SHF: variants seen among roughly 807,000 people sequenced by gnomAD.
The protein encoded by SHF is Src homology 2 domain containing F.
SHF carries 30 observed loss-of-function variants against 42.4 expected under a neutral mutation model. The ratio of observed to expected loss-of-function variants is 0.71; its 90% CI spans 0.53 to 0.96. SHF has a LOEUF of 0.96. Among genes scored for constraint, SHF ranks in the 40% least tolerant of loss-of-function variants. SHF has a pLI of 0.00. For synonymous variants in SHF, 264 were observed against 269.9 expected, an observed-to-expected ratio of 0.98 and a Z score of 0.21; for missense variants, 598 against 634.0, an observed-to-expected ratio of 0.94 and a Z score of 0.61.
chr15:45,187,688 C>T lies in SHF; in HGVS notation c.264G>A (p.Ala88=). The T allele has an allele frequency of 8.3e-7, 1 of 1,208,428 alleles. No individual in the cohort carries two copies. The highest frequency in any genetic ancestry group is 1.0e-6 in the Non-Finnish European group (1 of 969,912). The allele number at this position is 1,208,428 out of a possible 1,614,324, so 74.9% of individuals were successfully genotyped here. A position where few individuals can be genotyped will look rare whatever the true frequency, so the allele number is the denominator to read the frequency against. The change falls in exon 1 of 7, where the codon GCG becomes GCA. Residue 88 remains alanine, a synonymous_variant. Transcript: ENST00000690270. ...PPAPSPAAPP[A]PPPDILAAYR... ...AGGCGGCCAGGATGTCCGGGGGCGG[C>T]GCGGGGGGCGCGGCCGGAGAGGGCG...
chr15:45,197,665 A>G (rs993770008), intron 2 of SHF, among the ~76,000 whole-genome samples: 2 of 152,086 alleles, frequency 1.3e-5, no homozygotes, highest in African/African-American at 2.4e-5. Context: ...CTGTTTCCCC[A>G]TCTCCCCAGC....
In SHF at chr15:45,175,544, G is replaced by C. The variant is rs1022802082; in HGVS notation, c.641-119C>G. ...CTTCAGAGGAGATGCCCTGGCTCTG[G>C]GGGGAGCTCAGCAACCACACATCCT... On this transcript the variant is annotated intron_variant, in intron 2 of 6. Transcript: ENST00000690270. 13 of 1,022,422 alleles carry C rather than the reference G, an allele frequency of 1.3e-5. No homozygotes were observed. The Admixed American group carries it at 1.9e-4, about 15-fold the overall frequency. The allele number at this position is 1,022,422 out of a possible 1,614,324, so 63.3% of individuals were successfully genotyped here.
chr15:45,197,452 A>G (rs936790501), intron 2 of SHF, among the ~76,000 whole-genome samples: 3 of 152,192 alleles, frequency 2.0e-5, no homozygotes, highest in African/African-American at 7.2e-5. Flanking sequence ...GCCTGATAAT[A>G]AGAGAAGGGG....
At chr15:45,175,725 C>T (rs1053153741) in intron 2 of SHF, among the ~76,000 whole-genome samples, 1 of 152,206 alleles carries the variant, frequency 6.6e-6, no homozygotes, top group Admixed American at 6.5e-5. Context: ...GAAACTGAGG[C>T]ACAACCCTCC....
exon 2 of SHF, chr15:45,198,857 C>T: frequency 5.6e-6 from 9 of 1,614,002 alleles, no homozygotes; most frequent in Non-Finnish European, 7.6e-6. Context: ...CTGTTTTGGC[C>T]CATTAGCCAC....
intron 6 of SHF, 197 bp downstream of exon 6, chr15:45,171,686 C>T (rs748978926): frequency 6.1e-5 from 38 of 620,660 alleles, no homozygotes; most frequent in Non-Finnish European, 9.5e-5. Context: ...CTGGATGCTG[C>T]GGATCAACTA....
intron 1 of SHF, chr15:45,181,069 C>T (rs960814105): frequency 6.6e-6 from 1 of 152,304 alleles, no homozygotes; most frequent in Non-Finnish European, 1.5e-5. Flanking sequence ...CCCCTTCGGC[C>T]TCTCCCTCAC....
At chr15:45,192,800 T>C (rs1898746908), upstream of SHF, among the ~76,000 whole-genome samples, 1 of 152,238 alleles carries the variant, frequency 6.6e-6, no homozygotes, top group African/African-American at 2.4e-5. Flanking sequence ...CTTTTTGAAA[T>C]GTCCAGGCCA....
At position 45,168,111 on chromosome 15, in the gene SHF, T is replaced by C; in HGVS notation, c.1303A>G (p.Met435Val). Residue 435 changes from methionine to valine, a missense_variant, in exon 7 of 7, where the codon ATG becomes GTG. Physicochemically the swap from Met to Val is conservative, Grantham distance 21 (BLOSUM62 1). Coordinates refer to ENST00000690270, the MANE Select transcript of SHF (RefSeq NM_001394037.1). Reference sequence around the variant, plus strand: ...TGTTCCTTGGTTCGGGACAGCTTCATGTGCATGAATCCCTGGCTGCTCCTG... The same window carrying C: ...TGTTCCTTGGTTCGGGACAGCTTCACGTGCATGAATCCCTGGCTGCTCCTG... Reference protein sequence around the residue: ...SLKSSQGFMHMKLSRTKEHKY... With the variant: ...SLKSSQGFMHVKLSRTKEHKY... 1 of 1,601,630 alleles carries C rather than the reference T, an allele frequency of 6.2e-7. No homozygotes were observed. Among genetic ancestry groups the C allele is most frequent in the Non-Finnish European group, 8.5e-7 (1 of 1,172,314 alleles).
At chr15:45,195,686 T>A (rs1229509136) in intron 2 of SHF, among the ~76,000 whole-genome samples, 2 of 152,180 alleles carry the variant, frequency 1.3e-5, no homozygotes, top group Non-Finnish European at 2.9e-5. Context: ...CCTCTTAACC[T>A]CCTAAAGTTG....
At chr15:45,171,451 G>A (rs1172924865) in intron 6 of SHF, 3 of 178,998 alleles carry the variant, frequency 1.7e-5, no homozygotes, top group Admixed American at 1.1e-4. Flanking sequence ...ACTCCCTCAC[G>A]CAAAGCTCCT....
upstream of SHF, among the ~76,000 whole-genome samples, chr15:45,192,814 G>T (rs1229352525): frequency 6.6e-6 from 1 of 152,136 alleles, no homozygotes; most frequent in East Asian, 1.9e-4. Context: ...CAGGCCAATT[G>T]TCATGTAGGA....
Position 45,178,167 on chromosome 15 carries a change from G to A in SHF, c.638C>T (p.Ala213Val). Reference sequence around the variant, plus strand: ...CCTCCCCTGCCCCTGTCACTCACCGGCCATCATCTTTTGAGCCTCATAGGG... The same window carrying A: ...CCTCCCCTGCCCCTGTCACTCACCGACCATCATCTTTTGAGCCTCATAGGG... Reference protein sequence around the residue: ...MEPYEAQKMMAEIRGSKETAT... With the variant: ...MEPYEAQKMMVEIRGSKETAT... The change falls in exon 2 of 7, where the codon GCC becomes GTC. Residue 213 changes from alanine to valine, a missense_variant and splice_region_variant. Ala to Val is a moderately conservative substitution (Grantham distance 64). This residue lies in a region of SHF where 439 missense variants were observed against 524.6 expected (regional missense o/e 0.84). Transcript: ENST00000690270. The A allele has an allele frequency of 6.2e-7, 1 of 1,612,108 alleles. No homozygotes were observed. The highest frequency in any genetic ancestry group is 8.5e-7 in the Non-Finnish European group (1 of 1,179,686).
intron 1 of SHF, among the ~76,000 whole-genome samples, chr15:45,182,934 G>A (rs1008267220): frequency 6.6e-6 from 1 of 152,166 alleles, no homozygotes; most frequent in African/African-American, 2.4e-5. Context: ...ACAATGCCAT[G>A]TTCATAAAAC....
intron 2 of SHF, among the ~76,000 whole-genome samples, chr15:45,176,867 C>T (rs1897838503): frequency 6.6e-6 from 1 of 152,224 alleles, no homozygotes; most frequent in Admixed American, 6.5e-5. Flanking sequence ...CAGCTTCTCA[C>T]TTTCTCCATT....
At chr15:45,170,608 C>G (rs1897425160) in intron 6 of SHF, 1 of 354,982 alleles carries the variant, frequency 2.8e-6, no homozygotes. Context: ...ACTCAGGTTA[C>G]CTGACTATAG....
At chr15:45,194,061 C>A (rs544259134) in intron 2 of SHF, among the ~76,000 whole-genome samples, 150 of 146,300 alleles carry the variant, frequency 1.0e-3, no homozygotes, top group African/African-American at 3.7e-3. Flanking sequence ...AAGATCGTGC[C>A]ACTGTACTCC....
chr15:45,201,109 G>A (rs1300395575), exon 1 of SHF: 2 of 335,236 alleles, frequency 6.0e-6, no homozygotes, highest in Non-Finnish European at 1.2e-5. Flanking sequence ...GACGAGAAGG[G>A]CAACACTGGG....
intron 2 of SHF, chr15:45,198,512 G>C (rs143689863): frequency 2.3e-6 from 1 of 431,542 alleles, no homozygotes; most frequent in Non-Finnish European, 4.1e-6. Context: ...AGAAACGTTG[G>C]TTCGTTTCAA....
Sources: allele counts gnomAD v4.1 joint callset (sites outside exome capture counted in the v4.1 genomes callset), GRCh38; gene constraint gnomAD v4.1.1; regional missense constraint gnomAD v4.1.1; transcripts MANE v1.5; gene names NCBI Gene and HGNC (gene_info 2026-07-23, HGNC 2026-07-21).